CEP128: variants seen among roughly 807,000 people sequenced by gnomAD.
CEP128 encodes the protein centrosomal protein 128kDa.
In CEP128, 132 loss-of-function variants were observed where a neutral mutation model predicts 156.7. The observed-to-expected ratio is 0.84, with a 90% confidence interval of 0.73 to 0.97. CEP128 has a LOEUF of 0.97. Among genes scored for constraint, CEP128 ranks in the 50% least tolerant of loss-of-function variants. The pLI, the probability that CEP128 is intolerant of heterozygous loss-of-function variation, is 0.00. For synonymous variants in CEP128, 469 were observed against 448.9 expected (o/e 1.04, Z -0.57); for missense variants, 1,252 against 1,281.9 (o/e 0.98, Z 0.36).
At chr14:80,529,279 A>T (rs936914862) in intron 22 of CEP128, among the ~76,000 whole-genome samples, 1 of 152,216 alleles carries the variant, frequency 6.6e-6, no homozygotes, top group African/African-American at 2.4e-5. Flanking sequence ...TTTCAATTTC[A>T]GTATATTGGG....
exon 2 of CEP128, chr14:80,958,258 T>A (rs1886814228): frequency 1.3e-5 from 2 of 152,214 alleles, no homozygotes; most frequent in African/African-American, 4.8e-5. Flanking sequence ...GTAGGTGATG[T>A]TATTATGCTC....
chr14:80,547,578 T>G (rs1890038213), intron 21 of CEP128, among the ~76,000 whole-genome samples: 1 of 152,160 alleles, frequency 6.6e-6, no homozygotes, highest in South Asian at 2.1e-4. Context: ...TCTAACATTA[T>G]CTAAAATGTG....
At chr14:80,503,631 C>A in intron 24 of CEP128, among the ~76,000 whole-genome samples, 1 of 152,006 alleles carries the variant, frequency 6.6e-6, no homozygotes, top group East Asian at 1.9e-4. Flanking sequence ...GTGTGAAGTC[C>A]CTACTTCCAC....
At chr14:80,634,493 G>GT (rs1263852713) in intron 19 of CEP128, among the ~76,000 whole-genome samples, 10 of 38,744 alleles carry the variant, frequency 2.6e-4, no homozygotes, top group African/African-American at 4.7e-4. Context: ...GAAAAGCAAA[G>GT]TAATATTTTT....
intron 19 of CEP128, among the ~76,000 whole-genome samples, chr14:80,654,051 CT>C (rs1895027283): frequency 6.6e-6 from 1 of 152,024 alleles, no homozygotes; most frequent in Non-Finnish European, 1.5e-5. Context: ...GTGAAAGCCC[CT>C]GCTTTATAGA....
chr14:80,761,410 T>C (rs545306987), intron 17 of CEP128, 27 bp downstream of exon 17: 5 of 1,486,648 alleles, frequency 3.4e-6, no homozygotes, highest in Admixed American at 1.8e-5. Flanking sequence ...ACTGAAAATA[T>C]AAGGTGCAAT....
At chr14:80,863,518 C>G (rs916884254) in intron 8 of CEP128, among the ~76,000 whole-genome samples, 1 of 152,156 alleles carries the variant, frequency 6.6e-6, no homozygotes, top group Non-Finnish European at 1.5e-5. Flanking sequence ...AAGAATTTTT[C>G]TCTCTGACAC....
intron 19 of CEP128, among the ~76,000 whole-genome samples, chr14:80,617,355 C>T (rs1893265034): frequency 6.6e-6 from 1 of 151,022 alleles, no homozygotes; most frequent in African/African-American, 2.4e-5. Context: ...CTCAGCCTCC[C>T]CAGCAGCTGG....
intron 11 of CEP128, among the ~76,000 whole-genome samples, chr14:80,836,562 T>C (rs1886088515): frequency 6.9e-6 from 1 of 144,506 alleles, no homozygotes; most frequent in Admixed American, 6.7e-5. Context: ...TGTGACTAGA[T>C]TTTTTTTTTC....
chr14:80,754,458 T>C (rs1215645448), intron 18 of CEP128, among the ~76,000 whole-genome samples: 5 of 144,720 alleles, frequency 3.5e-5, no homozygotes, highest in Non-Finnish European at 7.4e-5. Flanking sequence ...AATGTCCTGT[T>C]CTTTTTTTTT....
chr14:80,761,481 C>G lies in CEP128; in HGVS notation c.2509G>C (p.Ala837Pro). 1.2e-6 allele frequency: 2 copies of G among 1,611,818 alleles called. No homozygotes were observed. The highest frequency in any genetic ancestry group is 4.5e-5 in the East Asian group (2 of 44,834). ...ILGVIGKEID[A>P]ACKTFSKDSV... is the part of the protein sequence containing the mutation. ...TCCTTGGAGAATGTTTTACAAGCTG[C>G]ATCAATTTCCTTTCCTATCACACCA... is the stretch of plus-strand genomic sequence containing the variant. The change falls in exon 17 of 25, where the codon GCA (alanine) becomes CCA (proline). Residue 837 changes from alanine to proline, a missense_variant. Coordinates refer to ENST00000555265, the MANE Select transcript of CEP128 (RefSeq NM_152446.5).
Position 80,957,471 on chromosome 14 carries a change from A to C in CEP128, c.-172+707T>G, listed in dbSNP as rs530001347. 2.0e-5 allele frequency among the ~76,000 whole-genome samples: 3 copies of C among 152,312 alleles called. No homozygotes were observed. The East Asian group carries it at 5.8e-4, about 29-fold the overall frequency. On this transcript the variant is annotated intron_variant, in intron 2 of 7. Coordinates refer to the CEP128 transcript ENST00000555529. ...ACTTAGACACTCAGAAAAAACAAAA[A>C]AAAAAAAACTTAAGTGAATAAATAA...
intron 19 of CEP128, among the ~76,000 whole-genome samples, chr14:80,598,450 C>T (rs1892435634): frequency 6.6e-6 from 1 of 152,028 alleles, no homozygotes. Flanking sequence ...AAACAAAACA[C>T]TGTCATGAAA....
intron 8 of CEP128, among the ~76,000 whole-genome samples, chr14:80,893,879 A>G (rs1003203424): frequency 2.6e-5 from 4 of 152,050 alleles, no homozygotes; most frequent in African/African-American, 9.7e-5. Flanking sequence ...GTATATGAAC[A>G]TTTGATTTAT....
intron 19 of CEP128, among the ~76,000 whole-genome samples, chr14:80,700,259 C>G (rs1231863499): frequency 6.6e-6 from 1 of 152,056 alleles, no homozygotes; most frequent in Non-Finnish European, 1.5e-5. Context: ...CCACCCCAAC[C>G]CCTACTCTGT....
intron 19 of CEP128, among the ~76,000 whole-genome samples, chr14:80,583,344 G>A (rs1388333253): frequency 6.7e-6 from 1 of 149,080 alleles, no homozygotes; most frequent in Non-Finnish European, 1.5e-5. Flanking sequence ...TTTTTTCTTT[G>A]TGCCACATAT....
At chr14:80,610,658 T>C (rs1892958215) in intron 19 of CEP128, among the ~76,000 whole-genome samples, 1 of 152,174 alleles carries the variant, frequency 6.6e-6, no homozygotes, top group African/African-American at 2.4e-5. Flanking sequence ...ACAATCCGTG[T>C]ACTCTTTGAC....
In CEP128 at chr14:80,533,190, T is replaced by C. The variant is rs1889309871; in HGVS notation, c.2881-2304A>G. 2.0e-5 allele frequency among the ~76,000 whole-genome samples: 3 copies of C among 152,296 alleles called. No individual in the cohort carries two copies. In the South Asian group the frequency reaches 6.2e-4, roughly 32 times the overall value. The stretch of plus-strand genomic sequence containing the variant: ...TCATTTAAATAATAAAATTATAGGT[T>C]TTCTTAGGAATTTATTGACTCTTGA... On this transcript the variant is annotated intron_variant, in intron 21 of 24. Coordinates refer to ENST00000555265, the MANE Select transcript of CEP128 (RefSeq NM_152446.5).
upstream of CEP128, among the ~76,000 whole-genome samples, chr14:80,944,982 T>G (rs1025192502): frequency 1.4e-4 from 21 of 151,988 alleles, 1 homozygote; most frequent in Admixed American, 1.2e-3. Flanking sequence ...AGTACCCTTC[T>G]TTTGCAAACC....
Sources: gnomAD v4.1 joint callset for allele counts (sites outside exome capture counted in the v4.1 genomes callset) on GRCh38, gnomAD v4.1.1 for gene constraint, MANE v1.5 for transcripts, NCBI Gene and HGNC (gene_info 2026-07-23, HGNC 2026-07-21) for gene names.